Variants in LMO7 observed in about 807,000 individuals in gnomAD.
LMO7 encodes the protein LIM domain 7.
In LMO7, 120 loss-of-function variants were observed where a neutral mutation model predicts 206.5. The observed-to-expected ratio is 0.58, with a 90% CI of 0.50 to 0.68. The LOEUF is 0.68. Ranked by LOEUF, LMO7 falls within the 30% of genes least tolerant of loss-of-function variation. The probability of loss-of-function intolerance (pLI) is 0.00; values close to 1 mark genes in which losing one functional copy is unlikely to be tolerated. For missense variants in LMO7, 1,959 were observed against 1,957.9 expected, an observed-to-expected ratio of 1.00 and a Z score of -0.01; for synonymous variants, 706 against 681.5, an observed-to-expected ratio of 1.04 and a Z score of -0.56.
chr13:75,717,746 C>T (rs866273604), intron 2 of LMO7, among the ~76,000 whole-genome samples: 16 of 152,226 alleles, frequency 1.1e-4, no homozygotes, highest in African/African-American at 3.1e-4. Flanking sequence ...CATGGAGTGC[C>T]GGTGACATGG....
At chr13:75,787,740 C>G (rs1201848350) in intron 4 of LMO7, among the ~76,000 whole-genome samples, 3 of 152,158 alleles carry the variant, frequency 2.0e-5, no homozygotes, top group Admixed American at 2.0e-4. Context: ...CAATGAGTCA[C>G]ACGCCTCTAA....
intron 2 of LMO7, among the ~76,000 whole-genome samples, chr13:75,717,212 A>T (rs1383635505): frequency 6.6e-6 from 1 of 151,716 alleles, no homozygotes; most frequent in Non-Finnish European, 1.5e-5. Flanking sequence ...AAATACAAAA[A>T]ATTAGCCGGG....
At chr13:75,668,782 A>G (rs2039292044) in intron 1 of LMO7, among the ~76,000 whole-genome samples, 1 of 151,060 alleles carries the variant, frequency 6.6e-6, no homozygotes, top group Admixed American at 6.6e-5. Context: ...ATGAAGTGAC[A>G]AAGAGAGATC....
chr13:75,848,663 G>A (rs2139509829), intron 26 of LMO7, among the ~76,000 whole-genome samples: 1 of 152,042 alleles, frequency 6.6e-6, no homozygotes, highest in Non-Finnish European at 1.5e-5. Context: ...ATTGATTGAT[G>A]GGCATTTGGG....
chr13:75,666,172 A>G (rs541571033), intron 1 of LMO7, among the ~76,000 whole-genome samples: 23 of 152,308 alleles, frequency 1.5e-4, no homozygotes, highest in African/African-American at 4.8e-4. Context: ...AATACTTTTT[A>G]AAAGTTAGCA....
rs2058817456 is a variant in LMO7, at chr13:75,833,129, G to A, written c.3028G>A (p.Asp1010Asn). ...TGACTTTGGGTTTACAATAAAATGG[G>A]ATATTCCTGGGATCTTCGTAGCATC... ...SLDFGFTIKWDIPGIFVASVE... is the reference protein window; with the variant it reads ...SLDFGFTIKWNIPGIFVASVE... Residue 1010 changes from aspartate (D) to asparagine (N), a missense_variant, in exon 16 of 31, where the codon GAT becomes AAT. Physicochemically the swap from Asp to Asn is conservative, Grantham distance 23 (BLOSUM62 1). Transcript: ENST00000377534. The A allele has an allele frequency of 6.2e-7, 1 of 1,608,110 alleles. No homozygotes were observed. The highest frequency in any genetic ancestry group is 8.5e-7 in the Non-Finnish European group (1 of 1,174,814).
chr13:75,800,185 A>C (rs926282168), intron 6 of LMO7, among the ~76,000 whole-genome samples: 3 of 152,174 alleles, frequency 2.0e-5, no homozygotes, highest in Admixed American at 2.0e-4. Context: ...AACTAACTTC[A>C]GTTGTTAAGG....
intron 1 of LMO7, among the ~76,000 whole-genome samples, chr13:75,647,295 A>G (rs80278644): frequency 6.6e-6 from 1 of 152,138 alleles, no homozygotes; most frequent in African/African-American, 2.4e-5. Flanking sequence ...GACATGACTA[A>G]CTTCTTGGTT....
chr13:75,726,950 A>T, intron 2 of LMO7, 79 bp from the exon 3 acceptor site: 1 of 774,898 alleles, frequency 1.3e-6, no homozygotes, highest in Non-Finnish European at 2.3e-6. Flanking sequence ...GAATAGTGAT[A>T]TATGTGATTT....
rs545689139 is a variant in LMO7, at chr13:75,711,353, A to G, written c.70-1829A>G. On this transcript the variant is annotated intron_variant, in intron 1 of 30. Coordinates refer to ENST00000377534, the MANE Select transcript of LMO7 (RefSeq NM_001306080.2). ...AGGACTCCCTCTTTTTCTATTGATT[A>G]GAATAGTTTCAGAAGGAATGGTACC... 2.0e-5 allele frequency among the ~76,000 whole-genome samples: 3 copies of G among 152,246 alleles called. No individual in the cohort carries two copies. In the East Asian group the frequency reaches 5.8e-4, roughly 29 times the overall value.
intron 1 of LMO7, among the ~76,000 whole-genome samples, chr13:75,693,278 A>G (rs2041636483): frequency 6.6e-6 from 1 of 152,270 alleles, no homozygotes; most frequent in African/African-American, 2.4e-5. Flanking sequence ...TGATAAATGT[A>G]TAAATACAGA....
chr13:75,625,547 C>T (rs945920888), intron 2 of LMO7, among the ~76,000 whole-genome samples: 2 of 152,134 alleles, frequency 1.3e-5, no homozygotes, highest in African/African-American at 4.8e-5. Flanking sequence ...ATAAATGAAG[C>T]TGTAGATAGA....
At chr13:75,624,240 G>T (rs1038302688) in intron 2 of LMO7, among the ~76,000 whole-genome samples, 19 of 152,164 alleles carry the variant, frequency 1.2e-4, no homozygotes, top group African/African-American at 4.6e-4. Flanking sequence ...CACTTCAGGA[G>T]AAAATTAGAA....
intron 3 of LMO7, among the ~76,000 whole-genome samples, chr13:75,740,598 T>G (rs951856182): frequency 1.1e-4 from 17 of 152,226 alleles, no homozygotes; most frequent in African/African-American, 3.9e-4. Context: ...TTCTGGAATT[T>G]TATTGCTGAT....
intron 1 of LMO7, among the ~76,000 whole-genome samples, chr13:75,687,764 G>A (rs972365194): frequency 1.3e-5 from 2 of 152,140 alleles, no homozygotes; most frequent in Non-Finnish European, 2.9e-5. Context: ...ACCATCAGCT[G>A]AGATAGACTC....
chr13:75,719,526 C>T (rs9573632), intron 2 of LMO7, among the ~76,000 whole-genome samples: 7,179 of 152,116 alleles, frequency 0.047, 450 homozygotes, highest in African/African-American at 0.13. Flanking sequence ...TGGATTTCCC[C>T]CATGCTGTTC....
chr13:75,733,472 C>T (rs985639111), intron 3 of LMO7, among the ~76,000 whole-genome samples: 20 of 152,184 alleles, frequency 1.3e-4, no homozygotes, highest in Non-Finnish European at 2.2e-4. Context: ...TTTTTAAGCC[C>T]GTCGGAAAAG....
chr13:75,712,279 C>A (rs917694937), intron 1 of LMO7, among the ~76,000 whole-genome samples: 1 of 152,150 alleles, frequency 6.6e-6, no homozygotes, highest in Non-Finnish European at 1.5e-5. Context: ...AGGGACTACT[C>A]CTGTTTTTAC....
In LMO7 at chr13:75,696,483, C is replaced by A. The variant is rs533307558; in HGVS notation, c.70-16699C>A. On this transcript the variant is annotated intron_variant, in intron 1 of 30. Coordinates refer to ENST00000377534, the MANE Select transcript of LMO7 (RefSeq NM_001306080.2). ...CTCATAAGAACCTTAGATACCCATT[C>A]AAAAATCAAGCACCTGTTTATAGAA... Among the ~76,000 whole-genome samples the A allele has an allele frequency of 5.9e-5, 9 of 152,248 alleles. No homozygotes were observed. In the South Asian group the frequency reaches 1.7e-3, roughly 28 times the overall value.
Sources: allele counts gnomAD v4.1 joint callset (sites outside exome capture counted in the v4.1 genomes callset), GRCh38; gene constraint gnomAD v4.1.1; transcripts MANE v1.5; gene names NCBI Gene and HGNC (gene_info 2026-07-23, HGNC 2026-07-21).